The following RAB38 variants were observed in gnomAD, a reference collection of about 807,000 sequenced individuals.
RAB38 encodes the protein RAB38, member RAS oncogene family, also known as ras-related protein Rab-38.
Under a neutral mutation model 18.4 loss-of-function variants are expected in RAB38, and 15 were observed. The observed-to-expected ratio is 0.82, with a 90% CI of 0.55 to 1.26. The LOEUF is 1.26. Ranked by LOEUF, RAB38 falls within the 50% of genes most tolerant of loss-of-function variation. The pLI, the probability that RAB38 is intolerant of heterozygous loss-of-function variation, is 0.00. For synonymous variants in RAB38, 101 were observed against 104.4 expected (o/e 0.97, Z 0.20); for missense variants, 294 against 267.4 (o/e 1.10, Z -0.69).
At chr11:87,814,312 T>C in the RAB38 span, among the ~76,000 whole-genome samples, 1 of 152,216 alleles carries the variant, frequency 6.6e-6, no homozygotes, top group Non-Finnish European at 1.5e-5. Flanking sequence ...ATTTTTAGTA[T>C]GAGTCAATGT....
chr11:88,161,560 C>T (rs536073487), intron 1 of RAB38, among the ~76,000 whole-genome samples: 1 of 152,160 alleles, frequency 6.6e-6, no homozygotes, highest in African/African-American at 2.4e-5. Context: ...AAACCCGAGG[C>T]TTATTTCTCC....
the RAB38 span, among the ~76,000 whole-genome samples, chr11:87,864,029 G>A: frequency 4.0e-5 from 6 of 151,526 alleles, no homozygotes; most frequent in South Asian, 2.1e-4. Context: ...TCGTGATCAC[G>A]GTAAAAATCT....
chr11:87,887,581 A>G, the RAB38 span, among the ~76,000 whole-genome samples: 1 of 152,088 alleles, frequency 6.6e-6, no homozygotes, highest in East Asian at 2.0e-4. Context: ...TTCCTTATCT[A>G]TAAGATGAGA....
the RAB38 span, among the ~76,000 whole-genome samples, chr11:87,910,633 CTTTTTTTTTTTTTTTTT>C: frequency 7.6e-6 from 1 of 131,094 alleles, no homozygotes; most frequent in African/African-American, 3.4e-5. Context: ...AGTTCATTTT[CTTTTTTTTTTTTTTTTT>C]TTTTTTTTTG....
intron 2 of RAB38, among the ~76,000 whole-genome samples, chr11:88,123,522 C>G (rs1350188501): frequency 6.6e-6 from 1 of 152,172 alleles, no homozygotes; most frequent in African/African-American, 2.4e-5. Flanking sequence ...TTATTTGATA[C>G]CATTCTTTTA....
the RAB38 span, among the ~76,000 whole-genome samples, chr11:87,932,010 T>C: frequency 6.6e-6 from 1 of 151,788 alleles, no homozygotes; most frequent in Non-Finnish European, 1.5e-5. Context: ...TGGTGCTGCT[T>C]CTGAGGATGA....
the RAB38 span, among the ~76,000 whole-genome samples, chr11:87,821,076 G>A: frequency 6.6e-6 from 1 of 152,148 alleles, no homozygotes; most frequent in Non-Finnish European, 1.5e-5. Flanking sequence ...ATTGGAATGA[G>A]TTTAGGCTGA....
chr11:87,816,712 A>G, the RAB38 span, among the ~76,000 whole-genome samples: 1 of 152,030 alleles, frequency 6.6e-6, no homozygotes, highest in African/African-American at 2.4e-5. Flanking sequence ...AGAGAGAAAG[A>G]GAGAGAGAGG....
At chr11:87,976,609 A>AT in the RAB38 span, among the ~76,000 whole-genome samples, 1 of 65,362 alleles carries the variant, frequency 1.5e-5, no homozygotes, top group Non-Finnish European at 2.9e-5. Context: ...ATAAATACAT[A>AT]TTTTACATGA....
At chr11:87,897,164 C>A in the RAB38 span, among the ~76,000 whole-genome samples, 2 of 151,562 alleles carry the variant, frequency 1.3e-5, no homozygotes, top group East Asian at 3.9e-4. Context: ...TAACCCCCCC[C>A]AAACCAATGT....
At chr11:88,088,434 C>T in the RAB38 span, among the ~76,000 whole-genome samples, 14 of 151,812 alleles carry the variant, frequency 9.2e-5, no homozygotes, top group Non-Finnish European at 1.9e-4. Context: ...CTTAACAATA[C>T]CTGATAAGGG....
the RAB38 span, among the ~76,000 whole-genome samples, chr11:87,902,132 G>A: frequency 6.6e-6 from 1 of 151,370 alleles, no homozygotes; most frequent in Non-Finnish European, 1.5e-5. Context: ...AAGAAATGAA[G>A]GGTTGAAAAA....
the RAB38 span, among the ~76,000 whole-genome samples, chr11:87,920,644 T>C: frequency 1.3e-5 from 2 of 152,068 alleles, no homozygotes; most frequent in Non-Finnish European, 2.9e-5. Flanking sequence ...TGTATGTCTA[T>C]TAGGTCCATT....
the RAB38 span, among the ~76,000 whole-genome samples, chr11:87,824,251 G>C: frequency 6.6e-6 from 1 of 152,182 alleles, no homozygotes; most frequent in African/African-American, 2.4e-5. Context: ...TGAACAGTAA[G>C]AGAAATTGGC....
the RAB38 span, among the ~76,000 whole-genome samples, chr11:87,875,295 G>A: frequency 6.6e-6 from 1 of 151,168 alleles, no homozygotes; most frequent in Non-Finnish European, 1.5e-5. Context: ...ACAAATGTAT[G>A]CAATTATGAT....
the RAB38 span, among the ~76,000 whole-genome samples, chr11:87,931,346 C>CA: frequency 1.3e-5 from 2 of 152,016 alleles, no homozygotes; most frequent in Non-Finnish European, 2.9e-5. Context: ...TTCATCATAC[C>CA]TACTGTCATC....
chr11:87,909,060 T>G, the RAB38 span, among the ~76,000 whole-genome samples: 1 of 151,998 alleles, frequency 6.6e-6, no homozygotes. Context: ...CATGGATCTG[T>G]GTACTCACAT....
chr11:87,822,640 G>T, the RAB38 span, among the ~76,000 whole-genome samples: 1 of 152,202 alleles, frequency 6.6e-6, no homozygotes, highest in Non-Finnish European at 1.5e-5. Context: ...CAATCCAAAA[G>T]AGAGTAAGAG....
chr11:88,101,305 AATCT>A, the RAB38 span, among the ~76,000 whole-genome samples: 1 of 152,112 alleles, frequency 6.6e-6, no homozygotes, highest in Admixed American at 6.6e-5. Flanking sequence ...AACTTCTAAG[AATCT>A]ATTACAAAGA....
Sources: allele counts gnomAD v4.1 joint callset (sites outside exome capture counted in the v4.1 genomes callset), GRCh38; gene constraint gnomAD v4.1.1; transcripts MANE v1.5; gene names NCBI Gene and HGNC (gene_info 2026-07-23, HGNC 2026-07-21).